Variants in TRMO observed in about 807,000 individuals in gnomAD.
TRMO encodes tRNA methyltransferase O, also known as tRNA (adenine(37)-N6)-methyltransferase.
Under a neutral mutation model 37.2 loss-of-function variants are expected in TRMO, and 30 were observed. That is an observed-to-expected ratio of 0.81 (90% CI 0.60 to 1.09). The LOEUF (loss-of-function observed/expected upper bound fraction) is 1.09. Among genes scored for constraint, TRMO ranks in the 50% least tolerant of loss-of-function variants. The pLI is 0.00. For missense variants in TRMO, 552 were observed against 549.5 expected, an observed-to-expected ratio of 1.00 and a Z score of -0.05; for synonymous variants, 239 against 199.4, an observed-to-expected ratio of 1.20 and a Z score of -1.67.
intron 4 of TRMO, among the ~76,000 whole-genome samples, chr9:97,906,573 A>G (rs998885943): frequency 9.2e-5 from 14 of 152,212 alleles, no homozygotes; most frequent in Non-Finnish European, 1.6e-4. Flanking sequence ...TTTGCTATCA[A>G]TCAGTTCCTG....
In TRMO at chr9:97,910,620, T is replaced by C. The variant is rs756043264; in HGVS notation, c.410-4A>G. ...CCAGAAAGGTATATAGCTCCACCTATGACATAAAAACGTGAAAAATGAAGA... is the reference window on the plus strand; with the variant it reads ...CCAGAAAGGTATATAGCTCCACCTACGACATAAAAACGTGAAAAATGAAGA... On this transcript the variant is annotated splice_polypyrimidine_tract_variant and splice_region_variant and intron_variant, in intron 3 of 4. Transcript: ENST00000375119. The C allele has an allele frequency of 1.9e-6, 3 of 1,611,898 alleles. No homozygotes were observed. The East Asian group carries it at 6.7e-5, about 36-fold the overall frequency.
Position 97,904,892 on chromosome 9 carries a change from C to T in TRMO, c.1167G>A (p.Arg389=), listed in dbSNP as rs966403968. 5.6e-6 allele frequency: 9 copies of T among 1,614,208 alleles called. No homozygotes were observed. Among genetic ancestry groups the T allele is most frequent in the Non-Finnish European group, 7.6e-6 (9 of 1,180,040 alleles). The change falls in exon 5 of 5, where the codon CGG becomes CGA. Residue 389 remains arginine (R), a synonymous_variant. Coordinates refer to ENST00000375119, the MANE Select transcript of TRMO (RefSeq NM_016481.5). ...LSADPRSVYR[R]KLCQDRLFYF... Reference sequence around the variant, plus strand: ...AGAAAAGGCGGTCCTGGCAAAGCTTCCGGCGGTACACAGACCGAGGATCCG... The same window carrying T: ...AGAAAAGGCGGTCCTGGCAAAGCTTTCGGCGGTACACAGACCGAGGATCCG...
intron 4 of TRMO, among the ~76,000 whole-genome samples, chr9:97,907,457 C>G (rs1561959): frequency 0.5 from 76,070 of 152,022 alleles, 20,507 homozygotes; most frequent in East Asian, 0.83. Context: ...CCAAATACCC[C>G]CCTAGCCTCT....
chr9:97,916,798 C>T (rs1011188239), intron 1 of TRMO, among the ~76,000 whole-genome samples: 6 of 150,590 alleles, frequency 4.0e-5, no homozygotes, highest in Non-Finnish European at 5.9e-5. Flanking sequence ...TTCTGCTTCC[C>T]GGGTTCAAGC....
downstream of TRMO, among the ~76,000 whole-genome samples, chr9:97,901,387 T>A (rs1265344185): frequency 6.6e-6 from 1 of 152,244 alleles, no homozygotes; most frequent in Non-Finnish European, 1.5e-5. Flanking sequence ...CCTCTTCCTC[T>A]TGATGTACTC....
chr9:97,911,912 CAT>C (rs1203691029), intron 3 of TRMO: 1 of 152,122 alleles, frequency 6.6e-6, no homozygotes, highest in Non-Finnish European at 1.5e-5. Flanking sequence ...ATTTCTGAAA[CAT>C]GTTATTATGA....
intron 1 of TRMO, among the ~76,000 whole-genome samples, chr9:97,921,129 A>G (rs778046814): frequency 3.9e-5 from 6 of 152,254 alleles, no homozygotes; most frequent in Non-Finnish European, 7.3e-5. Context: ...CTTCCAAGAA[A>G]TTTAACAAAG....
chr9:97,898,434 T>C, the TRMO span, among the ~76,000 whole-genome samples: 4 of 152,052 alleles, frequency 2.6e-5, no homozygotes, highest in African/African-American at 9.7e-5. Context: ...TGGGCTCAGG[T>C]GATCCTCCTA....
intron 4 of TRMO, among the ~76,000 whole-genome samples, chr9:97,908,870 T>G (rs1403637947): frequency 6.6e-6 from 1 of 152,168 alleles, no homozygotes; most frequent in Non-Finnish European, 1.5e-5. Flanking sequence ...AATGAATAAA[T>G]GAACTTCCCT....
At chr9:97,915,437 A>G (rs769699896) in intron 2 of TRMO, among the ~76,000 whole-genome samples, 5 of 152,240 alleles carry the variant, frequency 3.3e-5, no homozygotes, top group African/African-American at 4.8e-5. Context: ...ACAAATGGAT[A>G]TGACTTTGTT....
At chr9:97,915,732 A>T (rs1826326639) in intron 2 of TRMO, 1 of 152,624 alleles carries the variant, frequency 6.6e-6, no homozygotes, top group African/African-American at 2.4e-5. Context: ...GATTGTTCAC[A>T]GTCAGTTACA....
intron 3 of TRMO, chr9:97,912,081 T>C (rs1564109214): frequency 6.6e-6 from 1 of 152,194 alleles, no homozygotes; most frequent in Non-Finnish European, 1.5e-5. Flanking sequence ...AGACAGATTA[T>C]CTAATCTTAA....
chr9:97,903,732 CTTATT>C (rs1245267434), downstream of TRMO, among the ~76,000 whole-genome samples: 2 of 152,180 alleles, frequency 1.3e-5, no homozygotes, highest in Admixed American at 6.6e-5. Flanking sequence ...ATCTTGTCAT[CTTATT>C]TTATCACCAA....
chr9:97,904,875 C>T lies in TRMO; in HGVS notation c.1184G>A (p.Arg395His), dbSNP rs189997838. 8.4e-5 allele frequency: 136 copies of T among 1,614,182 alleles called. 2 individuals are homozygous for T. In the Admixed American group the frequency reaches 1.3e-3, roughly 15 times the overall value. ...SVYRRKLCQD[R>H]LFYFTVDIAH... ...TATGTCTACAGTAAAGTAGAAAAGG[C>T]GGTCCTGGCAAAGCTTCCGGCGGTA... Residue 395 changes from arginine to histidine, a missense_variant, in exon 5 of 5, where the codon CGC becomes CAC. Coordinates refer to ENST00000375119, the MANE Select transcript of TRMO (RefSeq NM_016481.5).
At chr9:97,901,757 TAA>T (rs11375112), downstream of TRMO, among the ~76,000 whole-genome samples, 3 of 144,566 alleles carry the variant, frequency 2.1e-5, no homozygotes, top group Non-Finnish European at 3.0e-5. Flanking sequence ...TCTCAAAGGC[TAA>T]AAAAAAAAAA....
intron 1 of TRMO, among the ~76,000 whole-genome samples, chr9:97,916,582 C>T (rs531064599): frequency 1.5e-4 from 23 of 152,100 alleles, no homozygotes; most frequent in African/African-American, 5.3e-4. Context: ...GAATAATGGT[C>T]CAAGAAAGAA....
intron 2 of TRMO, 32 bp downstream of exon 2, chr9:97,916,132 A>C: frequency 6.5e-7 from 1 of 1,543,392 alleles, no homozygotes; most frequent in Non-Finnish European, 8.8e-7. Flanking sequence ...GTTCTGGCCC[A>C]AAATCCTACA....
chr9:97,922,054 C>T (rs368901793), intron 1 of TRMO, among the ~76,000 whole-genome samples: 1 of 152,172 alleles, frequency 6.6e-6, no homozygotes, highest in African/African-American at 2.4e-5. Context: ...ATTCCTACAG[C>T]GCAGGATGCC....
Position 97,917,845 on chromosome 9 carries a change from A to AT in TRMO, c.77-1508dup, listed in dbSNP as rs112794003. ...AGGCACGCACCAACATGCCCATCTA[A>AT]TTTTTTTTTTTTTTTTTGTAGAGAA... On this transcript the variant is annotated intron_variant, in intron 1 of 4. Coordinates refer to ENST00000375119, the MANE Select transcript of TRMO (RefSeq NM_016481.5). Among the ~76,000 whole-genome samples the AT allele has an allele frequency of 3.2e-3, 428 of 134,278 alleles. 4 individuals are homozygous for AT. The highest frequency in any genetic ancestry group is 5.9e-3 in the African/African-American group (215 of 36,482). The allele number at this position is 134,278 out of a possible 152,430, so 88.1% of individuals were successfully genotyped here.
Sources: gnomAD v4.1 joint callset for allele counts (sites outside exome capture counted in the v4.1 genomes callset) on GRCh38, gnomAD v4.1.1 for gene constraint, MANE v1.5 for transcripts, NCBI Gene and HGNC (gene_info 2026-07-23, HGNC 2026-07-21) for gene names.